Variants in TTC19 observed in about 807,000 individuals in gnomAD.
TTC19 encodes the protein tetratricopeptide repeat domain 19.
In TTC19, 38 loss-of-function variants were observed where a neutral mutation model predicts 49.5. That is an observed-to-expected ratio of 0.77 (90% CI 0.59 to 1.01). The LOEUF (loss-of-function observed/expected upper bound fraction) is 1.01, where lower values mean the gene tolerates loss of function less well. Among genes scored for constraint, TTC19 ranks in the 50% least tolerant of loss-of-function variants. The pLI, the probability that TTC19 is intolerant of heterozygous loss-of-function variation, is 0.00. For missense variants in TTC19, 475 were observed against 477.7 expected (o/e 0.99, Z 0.05); for synonymous variants, 204 against 185.2 (o/e 1.10, Z -0.83).
rs370876293 is a variant in TTC19 at position 16,005,547 on chromosome 17, C to G, written c.582-927C>G. 1.6e-4 allele frequency among the ~76,000 whole-genome samples: 25 copies of G among 152,356 alleles called. 2 individuals are homozygous for G. Among genetic ancestry groups the G allele is most frequent in the African/African-American group, 6.0e-4 (25 of 41,588 alleles). On this transcript the variant is annotated intron_variant, in intron 6 of 9. Transcript: ENST00000261647. ...GAGCTCCTAAATGGAGAAGGGATTT[C>G]TGTCACATTTCCTCTGCATCTCTGT...
chr17:16,034,139 G>C (rs976209939), downstream of TTC19, among the ~76,000 whole-genome samples: 1 of 152,218 alleles, frequency 6.6e-6, no homozygotes, highest in African/African-American at 2.4e-5. Context: ...GTTCTCAAAA[G>C]AACTAAAACC....
chr17:16,001,832 T>TA, intron 2 of TTC19, 83 bp from the exon 3 acceptor site: 1 of 878,974 alleles, frequency 1.1e-6, no homozygotes, highest in Non-Finnish European at 1.9e-6. Context: ...TCAGTTGGGA[T>TA]GTACAGTTGC....
downstream of TTC19, among the ~76,000 whole-genome samples, chr17:16,033,192 G>T (rs1263409239): frequency 6.6e-6 from 1 of 151,928 alleles, no homozygotes; most frequent in Non-Finnish European, 1.5e-5. Flanking sequence ...AAAATTAGCC[G>T]GGTGTGGTGG....
intron 2 of TTC19, among the ~76,000 whole-genome samples, chr17:16,001,167 G>A (rs1343674966): frequency 6.6e-6 from 1 of 151,752 alleles, no homozygotes; most frequent in African/African-American, 2.4e-5. Flanking sequence ...AGAGTAAATT[G>A]GATTATGTCA....
intron 6 of TTC19, among the ~76,000 whole-genome samples, chr17:16,005,255 G>A (rs1970866559): frequency 6.6e-6 from 1 of 152,108 alleles, no homozygotes; most frequent in Admixed American, 6.5e-5. Context: ...GCTGATATAG[G>A]TTATGAGGGG....
chr17:16,026,806 A>C, intron 9 of TTC19, 104 bp downstream of exon 9: 1 of 1,193,134 alleles, frequency 8.4e-7, no homozygotes, highest in Non-Finnish European at 1.2e-6. Flanking sequence ...CCAACGAATA[A>C]ACATGTAAAT....
chr17:16,020,842 T>C (rs1031120916), intron 7 of TTC19, among the ~76,000 whole-genome samples: 1 of 151,916 alleles, frequency 6.6e-6, no homozygotes, highest in African/African-American at 2.4e-5. Context: ...CTGGCTTATA[T>C]ATATTTTTGG....
downstream of TTC19, among the ~76,000 whole-genome samples, chr17:16,033,964 G>A (rs1431154897): frequency 6.6e-6 from 1 of 152,030 alleles, no homozygotes; most frequent in African/African-American, 2.4e-5. Context: ...CCAAAATGCT[G>A]GGATAACAGG....
At chr17:16,033,136 G>A (rs1345247642), downstream of TTC19, among the ~76,000 whole-genome samples, 2 of 151,996 alleles carry the variant, frequency 1.3e-5, no homozygotes, top group African/African-American at 2.4e-5. Context: ...ACCTGAGGTC[G>A]GGAGTTCAAG....
rs1567678176 is a variant in TTC19 at position 16,044,709 on chromosome 17, C to T, written c.*154C>T. Reference sequence around the variant, plus strand: ...ACCATCACGGAGGATAAGATCAATGCCCTCGTTAAAGCAGCTGGTGTAAAT... The same window carrying T: ...ACCATCACGGAGGATAAGATCAATGTCCTCGTTAAAGCAGCTGGTGTAAAT... On this transcript the variant is annotated 3_prime_UTR_variant, in exon 3 of 3. Coordinates refer to the TTC19 transcript ENST00000470649. 2.3e-5 allele frequency: 16 copies of T among 709,330 alleles called. 1 individual carries two copies. The highest frequency in any genetic ancestry group is 4.0e-5 in the Non-Finnish European group (15 of 377,816). The allele number at this position is 709,330 out of a possible 1,614,324, so 43.9% of individuals were successfully genotyped here.
chr17:16,002,730 A>G, intron 3 of TTC19, 63 bp from the exon 4 acceptor site: 1 of 1,515,746 alleles, frequency 6.6e-7, no homozygotes, highest in Non-Finnish European at 9.2e-7. Flanking sequence ...GGAATTTTAA[A>G]GTTTTGAAAT....
chr17:16,035,702 C>G (rs907819139), intron 2 of TTC19, among the ~76,000 whole-genome samples: 2 of 151,916 alleles, frequency 1.3e-5, no homozygotes, highest in Non-Finnish European at 2.9e-5. Flanking sequence ...CCACCACACC[C>G]GGCTACTTTT....
chr17:16,009,274 T>TA (rs1970998878), intron 7 of TTC19, among the ~76,000 whole-genome samples: 1 of 152,240 alleles, frequency 6.6e-6, no homozygotes, highest in Admixed American at 6.5e-5. Flanking sequence ...CTTAGGAGTG[T>TA]AAAGCTATAT....
At chr17:16,012,896 C>A (rs1971116152) in intron 7 of TTC19, among the ~76,000 whole-genome samples, 2 of 152,208 alleles carry the variant, frequency 1.3e-5, no homozygotes, top group South Asian at 2.1e-4. Flanking sequence ...TTAGTTTTTG[C>A]ATATTGCTTT....
chr17:16,027,155 T>C (rs1971586447), intron 9 of TTC19: 3 of 584,392 alleles, frequency 5.1e-6, no homozygotes, highest in Non-Finnish European at 9.0e-6. Flanking sequence ...CTTGGGCTCA[T>C]CAAAGTCCTC....
At chr17:16,012,903 C>T (rs1448953914) in intron 7 of TTC19, among the ~76,000 whole-genome samples, 1 of 152,098 alleles carries the variant, frequency 6.6e-6, no homozygotes, top group African/African-American at 2.4e-5. Flanking sequence ...TTGCATATTG[C>T]TTTTAAAAAT....
intron 2 of TTC19, among the ~76,000 whole-genome samples, chr17:16,001,657 T>C (rs372665153): frequency 2.4e-4 from 37 of 152,232 alleles, no homozygotes; most frequent in African/African-American, 8.7e-4. Context: ...TTATAAAATA[T>C]GTTGTAAGAT....
intron 2 of TTC19, among the ~76,000 whole-genome samples, chr17:16,038,929 C>T (rs2151967763): frequency 6.6e-6 from 1 of 152,294 alleles, no homozygotes; most frequent in Middle Eastern, 3.4e-3. Flanking sequence ...CGCCATCATG[C>T]CCAGCTAATT....
downstream of TTC19, chr17:16,031,647 G>T (rs961363532): frequency 4.4e-6 from 1 of 226,392 alleles, no homozygotes; most frequent in Non-Finnish European, 8.8e-6. Context: ...CAATATGGCA[G>T]AATTTGTTAC....
Sources: gnomAD v4.1 joint callset for allele counts (sites outside exome capture counted in the v4.1 genomes callset) on GRCh38, gnomAD v4.1.1 for gene constraint, MANE v1.5 for transcripts, NCBI Gene and HGNC (gene_info 2026-07-23, HGNC 2026-07-21) for gene names.